ZDHHC14: variants seen among roughly 807,000 people sequenced by gnomAD.
ZDHHC14 encodes palmitoyltransferase ZDHHC14.
A neutral mutation model predicts 47.7 loss-of-function variants in ZDHHC14; 16 were observed. That is an observed-to-expected ratio of 0.34 (90% CI 0.23 to 0.51). The LOEUF (loss-of-function observed/expected upper bound fraction) is 0.51, where lower values mean the gene tolerates loss of function less well. ZDHHC14 is among the 20% of genes least tolerant of loss of function. ZDHHC14 has a pLI of 0.97. For synonymous variants in ZDHHC14, 293 were observed against 278.9 expected (o/e 1.05, Z -0.50); for missense variants, 515 against 662.5 (o/e 0.78, Z 2.44).
At chr6:157,506,833 T>G (rs535875826) in intron 1 of ZDHHC14, among the ~76,000 whole-genome samples, 1 of 152,326 alleles carries the variant, frequency 6.6e-6, no homozygotes, top group Admixed American at 6.5e-5. Flanking sequence ...GCATAAAGTA[T>G]CCTAAACATC....
rs941825601 is a variant in ZDHHC14, at chr6:157,592,893, C to T, written c.407-95C>T. 95 of 1,501,938 alleles carry T rather than the reference C, an allele frequency of 6.3e-5. No homozygotes were observed. In the African/African-American group the frequency reaches 1.3e-3, roughly 20 times the overall value. 93.0% of individuals were successfully genotyped at this position (1,501,938 alleles called of 1,614,324 possible). ...CCGGGGGCCCTGCCAGCCGCTGTGC[C>T]TGCTGCCCTGGAGCTTACACTCCAG... is the stretch of plus-strand genomic sequence containing the variant. On this transcript the variant is annotated intron_variant, in intron 2 of 8. Transcript: ENST00000359775.
intron 5 of ZDHHC14, among the ~76,000 whole-genome samples, chr6:157,640,891 G>A (rs919766583): frequency 2.0e-5 from 3 of 152,238 alleles, no homozygotes; most frequent in African/African-American, 4.8e-5. Flanking sequence ...CCGTTCTGCT[G>A]TAGGAACCCT....
At chr6:157,552,458 G>T (rs1256583803) in intron 2 of ZDHHC14, among the ~76,000 whole-genome samples, 2 of 152,136 alleles carry the variant, frequency 1.3e-5, no homozygotes, top group African/African-American at 4.8e-5. Context: ...CCCCCTGGAG[G>T]ATGTTAATCA....
intron 1 of ZDHHC14, among the ~76,000 whole-genome samples, chr6:157,541,467 A>G (rs369259376): frequency 6.6e-6 from 1 of 152,194 alleles, no homozygotes; most frequent in Non-Finnish European, 1.5e-5. Context: ...AGTCTTGAGC[A>G]GAGCTGAGCT....
Position 157,620,727 on chromosome 6 carries a change from C to A in ZDHHC14, c.566-7622C>A, listed in dbSNP as rs572276383. Among the ~76,000 whole-genome samples the A allele has an allele frequency of 1.6e-4, 25 of 152,324 alleles. No homozygotes were observed. In the South Asian group the frequency reaches 3.9e-3, roughly 24 times the overall value. On this transcript the variant is annotated intron_variant, in intron 3 of 8. Coordinates refer to ENST00000359775, the MANE Select transcript of ZDHHC14 (RefSeq NM_024630.3). ...GCTGCCATGCTGGGCCTTGGGTACC[C>A]ATCACCCGATCAGCCTGAGTGTCTG...
Position 157,672,794 on chromosome 6 carries a change from G to A in ZDHHC14, c.1139G>A (p.Ser380Asn). The change falls in exon 9 of 9, where the codon AGC becomes AAC. Residue 380 changes from serine to asparagine, a missense_variant. Transcript: ENST00000359775. ...GCTGCAGCCACGCCCCTGCTGCAGA[G>A]CGAGCCCAGCCTCACCAGCGACGAG... is the stretch of plus-strand genomic sequence containing the variant. Reference protein sequence around the residue: ...LQAAATPLLQSEPSLTSDELH... With the variant: ...LQAAATPLLQNEPSLTSDELH... 6.2e-7 allele frequency: 1 copy of A among 1,612,748 alleles called. No individual in the cohort carries two copies. Among genetic ancestry groups the A allele is most frequent in the Non-Finnish European group, 8.5e-7 (1 of 1,179,822 alleles).
chr6:157,515,938 T>C (rs1780677988), intron 1 of ZDHHC14, among the ~76,000 whole-genome samples: 1 of 152,116 alleles, frequency 6.6e-6, no homozygotes, highest in Admixed American at 6.6e-5. Context: ...CTCGATACAT[T>C]TTTCCAAAGT....
intron 5 of ZDHHC14, among the ~76,000 whole-genome samples, chr6:157,633,666 G>A (rs1776822303): frequency 6.6e-6 from 1 of 152,122 alleles, no homozygotes; most frequent in Non-Finnish European, 1.5e-5. Context: ...TTGAGGAAGG[G>A]AATTATTCGT....
rs566737350 is a variant in ZDHHC14, at chr6:157,620,485, A to G, written c.566-7864A>G. 2.6e-5 allele frequency among the ~76,000 whole-genome samples: 4 copies of G among 152,388 alleles called. No homozygotes were observed. In the South Asian group the frequency reaches 8.3e-4, roughly 32 times the overall value. On this transcript the variant is annotated intron_variant, in intron 3 of 8. Coordinates refer to ENST00000359775, the MANE Select transcript of ZDHHC14 (RefSeq NM_024630.3). ...CCCTCCAAGCTCCACAATCGGAACA[A>G]TAATGTTTGCCAAGCAGCTTTATCA... is the stretch of plus-strand genomic sequence containing the variant.
At chr6:157,419,299 A>G (rs945635591) in intron 1 of ZDHHC14, among the ~76,000 whole-genome samples, 2 of 152,210 alleles carry the variant, frequency 1.3e-5, no homozygotes, top group Non-Finnish European at 2.9e-5. Context: ...CTATGGATTT[A>G]TGTCATGCCT....
At chr6:157,535,114 T>C (rs1427901364) in intron 1 of ZDHHC14, among the ~76,000 whole-genome samples, 7 of 152,196 alleles carry the variant, frequency 4.6e-5, no homozygotes, top group African/African-American at 1.7e-4. Flanking sequence ...ACACTAACTC[T>C]GTCTTGCATG....
At chr6:157,512,811 C>G (rs1780541750) in intron 1 of ZDHHC14, among the ~76,000 whole-genome samples, 3 of 152,204 alleles carry the variant, frequency 2.0e-5, no homozygotes, top group Admixed American at 2.0e-4. Context: ...TAGGGTTAGA[C>G]TACATAATAT....
At position 157,479,377 on chromosome 6, in the gene ZDHHC14, T is replaced by G. The variant is rs899020749; in HGVS notation, c.246-63208T>G. On this transcript the variant is annotated intron_variant, in intron 1 of 8. Coordinates refer to ENST00000359775, the MANE Select transcript of ZDHHC14 (RefSeq NM_024630.3). Reference sequence around the variant, plus strand: ...TTTTTTACTGTGTTCATATTTTCAGTTGGATATCACCACCTTTGGGATATT... The same window carrying G: ...TTTTTTACTGTGTTCATATTTTCAGGTGGATATCACCACCTTTGGGATATT... Among the ~76,000 whole-genome samples the G allele has an allele frequency of 3.5e-4, 53 of 152,336 alleles. No individual in the cohort carries two copies. The Middle Eastern group carries it at 0.01, about 29-fold the overall frequency.
chr6:157,393,897 G>A (rs1389322741), intron 1 of ZDHHC14, among the ~76,000 whole-genome samples: 2 of 152,032 alleles, frequency 1.3e-5, no homozygotes, highest in Admixed American at 6.6e-5. Flanking sequence ...GGTCATGGTG[G>A]TTGCTCTGGC....
At chr6:157,506,192 T>C (rs556936087) in intron 1 of ZDHHC14, among the ~76,000 whole-genome samples, 1 of 152,346 alleles carries the variant, frequency 6.6e-6, no homozygotes, top group Admixed American at 6.5e-5. Flanking sequence ...TATCCCTCTT[T>C]AGAAACATCC....
intron 2 of ZDHHC14, among the ~76,000 whole-genome samples, chr6:157,545,435 G>T (rs1781933071): frequency 6.6e-6 from 1 of 152,012 alleles, no homozygotes; most frequent in Non-Finnish European, 1.5e-5. Flanking sequence ...CCAGCACTTT[G>T]GGAGGCCGAG....
chr6:157,596,018 G>C (rs1204385486), intron 3 of ZDHHC14, among the ~76,000 whole-genome samples: 2 of 152,190 alleles, frequency 1.3e-5, no homozygotes, highest in Non-Finnish European at 2.9e-5. Flanking sequence ...CTCAGGGCCA[G>C]CTCCGTGGGG....
intron 5 of ZDHHC14, among the ~76,000 whole-genome samples, chr6:157,636,562 G>A (rs550623967): frequency 3.3e-5 from 5 of 152,192 alleles, no homozygotes; most frequent in East Asian, 3.9e-4. Flanking sequence ...TTATGGACCC[G>A]AGGTCCTGCT....
rs1027434509 is a variant in ZDHHC14, at chr6:157,492,045, C to A, written c.246-50540C>A. Among the ~76,000 whole-genome samples the A allele has an allele frequency of 3.4e-4, 51 of 152,216 alleles. 1 individual carries two copies. The highest frequency in any genetic ancestry group is 1.2e-4 in the Non-Finnish European group (8 of 68,030). ...GAACACTGCCTCGCCTTCATCACAG[C>A]ACCAGTTGCCGGTGTTGGTTGCGGC... On this transcript the variant is annotated intron_variant, in intron 1 of 8. Transcript: ENST00000359775.
Sources: allele counts gnomAD v4.1 joint callset (sites outside exome capture counted in the v4.1 genomes callset), GRCh38; gene constraint gnomAD v4.1.1; transcripts MANE v1.5; gene names NCBI Gene and HGNC (gene_info 2026-07-23, HGNC 2026-07-21).